ADAMTS5: variants seen among roughly 807,000 people sequenced by gnomAD.
ADAMTS5 encodes the protein A disintegrin and metalloproteinase with thrombospondin motifs 5.
In ADAMTS5, 54 loss-of-function variants were observed where a neutral mutation model predicts 81.4. That is an observed-to-expected ratio of 0.66 (90% confidence interval 0.53 to 0.83). ADAMTS5 has a LOEUF of 0.83. Ranked by LOEUF, ADAMTS5 falls within the 40% of genes least tolerant of loss-of-function variation. ADAMTS5 has a pLI of 0.00. For missense variants in ADAMTS5, 1,194 were observed against 1,229.9 expected (o/e 0.97, Z 0.44); for synonymous variants, 532 against 508.8 (o/e 1.05, Z -0.61).
intron 6 of ADAMTS5, among the ~76,000 whole-genome samples, chr21:26,930,959 T>C (rs1335004012): frequency 6.6e-6 from 1 of 152,170 alleles, no homozygotes; most frequent in Non-Finnish European, 1.5e-5. Context: ...CATTATTTTC[T>C]AATAAAAACA....
intron 3 of ADAMTS5, among the ~76,000 whole-genome samples, chr21:26,937,534 G>A (rs1310148854): frequency 6.6e-6 from 1 of 152,056 alleles, no homozygotes; most frequent in South Asian, 2.1e-4. Context: ...AACAAAATAG[G>A]TACAAGCATC....
chr21:26,962,521 C>T (rs1601021822), intron 1 of ADAMTS5, among the ~76,000 whole-genome samples: 2 of 152,188 alleles, frequency 1.3e-5, no homozygotes, highest in Non-Finnish European at 2.9e-5. Flanking sequence ...TGCTGACTTC[C>T]AGATGCAACT....
intron 3 of ADAMTS5, among the ~76,000 whole-genome samples, chr21:26,942,329 G>A: frequency 6.6e-6 from 1 of 152,100 alleles, no homozygotes. Flanking sequence ...AAACTTTGTG[G>A]AACTGGGAAA....
chr21:26,926,333 T>C (rs1389291352), intron 7 of ADAMTS5, among the ~76,000 whole-genome samples: 1 of 152,216 alleles, frequency 6.6e-6, no homozygotes, highest in Non-Finnish European at 1.5e-5. Flanking sequence ...ATGACAGTAT[T>C]TGAACAAGTT....
chr21:26,956,526 A>G (rs571953571), intron 1 of ADAMTS5, among the ~76,000 whole-genome samples: 1 of 152,308 alleles, frequency 6.6e-6, no homozygotes, highest in African/African-American at 2.4e-5. Flanking sequence ...CATAATAATC[A>G]GTCTTTGAGA....
At chr21:26,958,381 G>A (rs967734453) in intron 1 of ADAMTS5, among the ~76,000 whole-genome samples, 15 of 151,950 alleles carry the variant, frequency 9.9e-5, no homozygotes, top group African/African-American at 3.4e-4. Flanking sequence ...ACACACAAAC[G>A]CATGCATATT....
chr21:26,963,328 C>T lies in ADAMTS5; in HGVS notation c.1104+1960G>A, dbSNP rs745695364. ...AAAAAACAAATTCGGAAAAAGTAAT[C>T]GACAAATCATTGAGAATCACTGAGT... On this transcript the variant is annotated intron_variant, in intron 1 of 7. Coordinates refer to ENST00000284987, the MANE Select transcript of ADAMTS5 (RefSeq NM_007038.5). Among the ~76,000 whole-genome samples the T allele has an allele frequency of 2.5e-4, 38 of 151,718 alleles. 1 individual carries two copies. Among genetic ancestry groups the T allele is most frequent in the Non-Finnish European group, 1.8e-4 (12 of 67,986 alleles).
chr21:26,964,902 T>A (rs1185112377), intron 1 of ADAMTS5, among the ~76,000 whole-genome samples: 1 of 152,192 alleles, frequency 6.6e-6, no homozygotes, highest in Non-Finnish European at 1.5e-5. Context: ...TATATTTTAT[T>A]TTCACTGGAA....
In ADAMTS5 at chr21:26,954,725, A is replaced by C; in HGVS notation, c.1237+14T>G. The C allele has an allele frequency of 6.2e-7, 1 of 1,611,192 alleles. No homozygotes were observed. The highest frequency in any genetic ancestry group is 1.1e-5 in the South Asian group (1 of 90,418). Reference sequence around the variant, plus strand: ...TGTTTGATTTGGTGAGGGAAAAGAAAAGGCGCTGCATACCGATTTCGTGAG... The same window carrying C: ...TGTTTGATTTGGTGAGGGAAAAGAACAGGCGCTGCATACCGATTTCGTGAG... On this transcript the variant is annotated intron_variant, in intron 2 of 7. Transcript: ENST00000284987.
intron 7 of ADAMTS5, among the ~76,000 whole-genome samples, chr21:26,926,563 T>C (rs2123166126): frequency 6.6e-6 from 1 of 151,698 alleles, no homozygotes; most frequent in Non-Finnish European, 1.5e-5. Context: ...ATCCCAGCTA[T>C]GCTGGAGGCT....
chr21:26,923,965 C>T lies in ADAMTS5; in HGVS notation c.*88G>A. 2.2e-6 allele frequency: 3 copies of T among 1,346,714 alleles called. No homozygotes were observed. The highest frequency in any genetic ancestry group is 2.9e-5 in the South Asian group (2 of 68,066). 83.4% of individuals were successfully genotyped at this position (1,346,714 alleles called of 1,614,324 possible). ...GACAATGTCACTGAAGCATGACTTT[C>T]TGTGCGTTAGGTAGACCTCCTGTTC... On this transcript the variant is annotated 3_prime_UTR_variant, in exon 8 of 8. Coordinates refer to ENST00000284987, the MANE Select transcript of ADAMTS5 (RefSeq NM_007038.5).
chr21:26,965,944 C>T lies in ADAMTS5; in HGVS notation c.448G>A (p.Gly150Arg). 1 of 1,613,686 alleles carries T rather than the reference C, an allele frequency of 6.2e-7. No individual in the cohort carries two copies. The highest frequency in any genetic ancestry group is 1.1e-5 in the South Asian group (1 of 91,054). Residue 150 changes from glycine to arginine, a missense_variant, in exon 1 of 8, where the codon GGG becomes AGG. Gly to Arg is a moderately radical substitution (Grantham distance 125, BLOSUM62 -2). This residue lies in a region of ADAMTS5 where 498 missense variants were observed against 412.3 expected (regional missense o/e 1.21). Transcript: ENST00000284987. The part of the protein sequence containing the change: ...PRSLAVFDLC[G>R]GLDGFFAVKH... ...ACCGCGAAGAAGCCGTCGAGACCCC[C>T]ACAGAGGTCAAAGACAGCCAGAGAG...
chr21:26,934,337 A>AATTT, intron 4 of ADAMTS5, 129 bp downstream of exon 4: 1 of 1,254,342 alleles, frequency 8.0e-7, no homozygotes, highest in Non-Finnish European at 1.1e-6. Flanking sequence ...AGAAGCTCTA[A>AATTT]ATAAACCTCA....
intron 3 of ADAMTS5, among the ~76,000 whole-genome samples, chr21:26,934,952 G>A (rs746267378): frequency 2.6e-5 from 4 of 152,150 alleles, no homozygotes; most frequent in Admixed American, 6.5e-5. Flanking sequence ...GTTCTCAGGA[G>A]TGATGCGCTC....
chr21:26,946,059 G>A (rs1197254652), intron 2 of ADAMTS5, among the ~76,000 whole-genome samples: 1 of 152,214 alleles, frequency 6.6e-6, no homozygotes, highest in African/African-American at 2.4e-5. Context: ...CCTGGGCAAT[G>A]TGAAGAACAC....
rs144833288 is a variant in ADAMTS5 at position 26,965,372 on chromosome 21, G to A, written c.1020C>T (p.Asn340=). The A allele has an allele frequency of 6.2e-6, 10 of 1,614,258 alleles. No homozygotes were observed. In the African/African-American group the frequency reaches 9.3e-5, roughly 15 times the overall value. Residue 340 remains asparagine (N), a synonymous_variant, in exon 1 of 8, where the codon AAC becomes AAT. Transcript: ENST00000284987. ...TGTGTTGGTGCTGCCACTTGCAAAAGTTCTTGAGTGTGGTGGCAGCGTTCT... is the reference window on the plus strand; with the variant it reads ...TGTGTTGGTGCTGCCACTTGCAAAAATTCTTGAGTGTGGTGGCAGCGTTCT... The part of the protein sequence containing the change: ...VSKNAATTLK[N]FCKWQHQHNQ...
At chr21:26,945,738 T>G (rs1311676446) in intron 2 of ADAMTS5, among the ~76,000 whole-genome samples, 2 of 152,210 alleles carry the variant, frequency 1.3e-5, no homozygotes, top group East Asian at 3.9e-4. Flanking sequence ...TTTGGAATAC[T>G]AGTTAATATA....
chr21:26,943,591 T>C (rs373484646), intron 2 of ADAMTS5, 44 bp from the exon 3 acceptor site: 422 of 1,555,642 alleles, frequency 2.7e-4, no homozygotes, highest in Non-Finnish European at 3.6e-4. Context: ...CGTGATTGTG[T>C]ATTTCTATCT....
chr21:26,920,468 G>A lies in ADAMTS5; in HGVS notation c.*3585C>T, dbSNP rs533811733. 6.6e-6 allele frequency: 1 copy of A among 152,108 alleles called. No homozygotes were observed. The highest frequency in any genetic ancestry group is 2.4e-5 in the African/African-American group (1 of 41,512). 9.4% of individuals were successfully genotyped at this position (152,108 alleles called of 1,614,324 possible). A position where few individuals can be genotyped will look rare whatever the true frequency, so the allele number is the denominator to read the frequency against. On this transcript the variant is annotated 3_prime_UTR_variant, in exon 8 of 8. Transcript: ENST00000284987. ...TTTGTTATACAAACCCAATCTATTT[G>A]TGCTCATCTGTAGAATCCTACAGAC...
Sources: allele counts gnomAD v4.1 joint callset (sites outside exome capture counted in the v4.1 genomes callset), GRCh38; gene constraint gnomAD v4.1.1; regional missense constraint gnomAD v4.1.1; transcripts MANE v1.5; gene names NCBI Gene and HGNC (gene_info 2026-07-23, HGNC 2026-07-21).